Variants in FSTL5 observed in about 807,000 individuals in gnomAD.
FSTL5 encodes follistatin like 5.
FSTL5 carries 62 observed loss-of-function variants against 89.1 expected under a neutral mutation model. The observed-to-expected ratio is 0.70, with a 90% CI of 0.57 to 0.86. FSTL5 has a LOEUF of 0.86. Ranked by LOEUF, FSTL5 falls within the 40% of genes least tolerant of loss-of-function variation. The pLI is 0.00. For missense variants in FSTL5, 1,057 were observed against 1,001.6 expected (o/e 1.06, Z -0.75); for synonymous variants, 383 against 346.2 (o/e 1.11, Z -1.18).
intron 4 of FSTL5, among the ~76,000 whole-genome samples, chr4:161,783,960 A>T (rs1053738946): frequency 1.3e-5 from 2 of 148,736 alleles, no homozygotes; most frequent in Admixed American, 6.8e-5. Context: ...ATTTGAGATG[A>T]TGTCTCACTC....
intron 7 of FSTL5, among the ~76,000 whole-genome samples, chr4:161,593,575 G>C (rs1490516462): frequency 1.3e-5 from 2 of 151,910 alleles, no homozygotes; most frequent in African/African-American, 4.8e-5. Context: ...GGATGAGGAG[G>C]GGGAGGGAGA....
At chr4:161,709,210 T>G (rs1264512444) in intron 6 of FSTL5, among the ~76,000 whole-genome samples, 1 of 152,114 alleles carries the variant, frequency 6.6e-6, no homozygotes, top group Non-Finnish European at 1.5e-5. Flanking sequence ...ATTTTCCTTT[T>G]GTTATTTTAC....
At chr4:162,057,934 A>G (rs1436795213) in intron 2 of FSTL5, among the ~76,000 whole-genome samples, 1 of 152,062 alleles carries the variant, frequency 6.6e-6, no homozygotes, top group East Asian at 1.9e-4. Context: ...AGAGAGTGAG[A>G]CTCCATCTCA....
intron 4 of FSTL5, among the ~76,000 whole-genome samples, chr4:161,836,136 G>T (rs1731031167): frequency 1.3e-5 from 2 of 151,952 alleles, no homozygotes; most frequent in Admixed American, 1.3e-4. Context: ...AAAAAATGAT[G>T]AGCTCATGTC....
chr4:161,554,717 C>T (rs1371216750), intron 8 of FSTL5, among the ~76,000 whole-genome samples: 1 of 151,616 alleles, frequency 6.6e-6, no homozygotes, highest in Non-Finnish European at 1.5e-5. Flanking sequence ...GGCTCTTCCA[C>T]AAATTATTCA....
intron 4 of FSTL5, among the ~76,000 whole-genome samples, chr4:161,838,610 T>C (rs1366538490): frequency 1.3e-5 from 2 of 152,100 alleles, no homozygotes; most frequent in African/African-American, 2.4e-5. Context: ...TCCTAAATTT[T>C]ATCCATATAA....
chr4:161,662,774 C>T (rs140740615), intron 6 of FSTL5, among the ~76,000 whole-genome samples: 16 of 152,020 alleles, frequency 1.1e-4, no homozygotes, highest in African/African-American at 2.2e-4. Context: ...TCAAGCAAAG[C>T]GAACAAAAAA....
chr4:161,952,916 A>T (rs1376974068), intron 3 of FSTL5, among the ~76,000 whole-genome samples: 2 of 151,782 alleles, frequency 1.3e-5, no homozygotes, highest in Non-Finnish European at 1.5e-5. Context: ...AAACATTCAG[A>T]AGTTACAAAA....
intron 7 of FSTL5, among the ~76,000 whole-genome samples, chr4:161,623,880 T>A (rs1735223934): frequency 6.6e-6 from 1 of 152,002 alleles, no homozygotes; most frequent in East Asian, 1.9e-4. Flanking sequence ...ATATTTGACA[T>A]AGTAAAACTT....
intron 6 of FSTL5, among the ~76,000 whole-genome samples, chr4:161,701,674 C>A (rs190273503): frequency 8.5e-5 from 13 of 152,110 alleles, no homozygotes; most frequent in Admixed American, 7.2e-4. Flanking sequence ...ATGTTCTAAG[C>A]AAATGCTCCT....
intron 3 of FSTL5, among the ~76,000 whole-genome samples, chr4:161,989,928 G>A (rs562740722): frequency 6.8e-4 from 103 of 152,220 alleles, no homozygotes; most frequent in Middle Eastern, 3.4e-3. Context: ...TCTTGATTAC[G>A]TTGGTGGTGG....
At chr4:161,634,333 C>T (rs554454090) in intron 7 of FSTL5, among the ~76,000 whole-genome samples, 7 of 152,302 alleles carry the variant, frequency 4.6e-5, no homozygotes, top group African/African-American at 1.2e-4. Context: ...AAAGATAGCC[C>T]TCTATTTGCT....
At chr4:162,018,820 T>C (rs912753759) in intron 3 of FSTL5, among the ~76,000 whole-genome samples, 3 of 152,172 alleles carry the variant, frequency 2.0e-5, no homozygotes, top group Admixed American at 2.0e-4. Context: ...CTGTCTTGCA[T>C]ATCAGTGTAG....
At chr4:162,126,638 T>A (rs1003053174) in intron 1 of FSTL5, among the ~76,000 whole-genome samples, 1 of 152,144 alleles carries the variant, frequency 6.6e-6, no homozygotes, top group African/African-American at 2.4e-5. Context: ...GTCTATAGAT[T>A]TTTTGTCAAG....
chr4:162,021,187 A>G (rs559573745), intron 3 of FSTL5, among the ~76,000 whole-genome samples: 65 of 152,314 alleles, frequency 4.3e-4, no homozygotes, highest in African/African-American at 1.5e-3. Flanking sequence ...AGTATAGTCT[A>G]TACTGGCTAC....
intron 15 of FSTL5, among the ~76,000 whole-genome samples, chr4:161,429,728 T>G (rs1732288844): frequency 6.6e-6 from 1 of 152,150 alleles, no homozygotes; most frequent in African/African-American, 2.4e-5. Flanking sequence ...TTTTAACATC[T>G]GGAAAGCCTT....
At chr4:161,969,482 A>G (rs1471406900) in intron 3 of FSTL5, among the ~76,000 whole-genome samples, 1 of 152,212 alleles carries the variant, frequency 6.6e-6, no homozygotes, top group African/African-American at 2.4e-5. Context: ...AGATAGAGAG[A>G]TCAAAATACC....
At position 161,829,492 on chromosome 4, in the gene FSTL5, T is replaced by C. The variant is rs149476889; in HGVS notation, c.410-53418A>G. Among the ~76,000 whole-genome samples the C allele has an allele frequency of 7.1e-3, 1,077 of 152,084 alleles. 8 individuals carry two copies. The highest frequency in any genetic ancestry group is 0.025 in the African/African-American group (1,023 of 41,528). ...ATATTATAATTAATGTATGTAATTATCTATAATAGTATGCAATTCAAATTT... is the reference window on the plus strand; with the variant it reads ...ATATTATAATTAATGTATGTAATTACCTATAATAGTATGCAATTCAAATTT... On this transcript the variant is annotated intron_variant, in intron 4 of 15. Coordinates refer to ENST00000306100, the MANE Select transcript of FSTL5 (RefSeq NM_020116.5).
intron 4 of FSTL5, among the ~76,000 whole-genome samples, chr4:161,919,761 A>G (rs1270811999): frequency 2.0e-5 from 3 of 152,192 alleles, no homozygotes; most frequent in African/African-American, 7.2e-5. Flanking sequence ...TGATGTTAAA[A>G]CTGTTCAATG....
Sources: allele counts gnomAD v4.1 joint callset (sites outside exome capture counted in the v4.1 genomes callset), GRCh38; gene constraint gnomAD v4.1.1; transcripts MANE v1.5; gene names NCBI Gene and HGNC (gene_info 2026-07-23, HGNC 2026-07-21).